The following IGSF10 variants were observed in gnomAD, a reference collection of about 807,000 sequenced individuals.
IGSF10 encodes the protein immunoglobulin superfamily member 10, also known as calvaria mechanical force protein 608.
IGSF10 carries 126 observed loss-of-function variants against 128.2 expected under a neutral mutation model. The observed-to-expected ratio is 0.98, with a 90% CI of 0.85 to 1.14. The LOEUF is 1.14. IGSF10 is among the 50% of genes most tolerant of loss of function. The pLI, the probability that IGSF10 is intolerant of heterozygous loss-of-function variation, is 0.00. For missense variants in IGSF10, 3,295 were observed against 3,149.8 expected (o/e 1.05, Z -1.10); for synonymous variants, 1,185 against 1,146.2 (o/e 1.03, Z -0.68).
At chr3:151,435,021 T>C (rs1253522163), downstream of IGSF10, 1 of 151,966 alleles carries the variant, frequency 6.6e-6, no homozygotes, top group East Asian at 1.9e-4. Flanking sequence ...TACTTTAGTC[T>C]TCAGATTTTC....
In IGSF10 at chr3:151,436,713, T is replaced by G; in HGVS notation, c.7848A>C (p.Ala2616=). ...TAKNPLGSDY[A]ATYIQVI is the part of the protein sequence containing the mutation. ...GTCAGATTACTTGAATATACGTTGC[T>G]GCATAATCACTACCAAGTGGGTTCT... The change falls in exon 8 of 8, where the codon GCA becomes GCC. Residue 2616 remains alanine, a synonymous_variant. Coordinates refer to ENST00000282466, the MANE Select transcript of IGSF10 (RefSeq NM_178822.5). 1 of 1,610,878 alleles carries G rather than the reference T, an allele frequency of 6.2e-7. No homozygotes were observed. Among genetic ancestry groups the G allele is most frequent in the Non-Finnish European group, 8.5e-7 (1 of 1,178,436 alleles).
the IGSF10 span, among the ~76,000 whole-genome samples, chr3:151,506,118 AT>A: frequency 6.6e-6 from 1 of 151,832 alleles, no homozygotes; most frequent in Admixed American, 6.6e-5. Context: ...CGCTCAGCTA[AT>A]TTTTTTTGTA....
chr3:151,517,259 A>G, the IGSF10 span, among the ~76,000 whole-genome samples: 2 of 152,116 alleles, frequency 1.3e-5, no homozygotes, highest in Admixed American at 1.3e-4. Context: ...ACCATGGAGA[A>G]ATATATCCCA....
At chr3:151,464,795 A>T (rs1722223684), upstream of IGSF10, among the ~76,000 whole-genome samples, 1 of 152,204 alleles carries the variant, frequency 6.6e-6, no homozygotes, top group South Asian at 2.1e-4. Flanking sequence ...ACAGACTAGC[A>T]CGGTAAGTGA....
At chr3:151,545,020 T>TATTCTACATTTAAGTG in the IGSF10 span, among the ~76,000 whole-genome samples, 8 of 152,240 alleles carry the variant, frequency 5.3e-5, no homozygotes, top group Admixed American at 3.9e-4. Flanking sequence ...CTATTTTAGT[T>TATTCTACATTTAAGTG]ATTCTACATT....
In IGSF10 at chr3:151,445,868, G is replaced by A. The variant is rs1560176132; in HGVS notation, c.4113C>T (p.Pro1371=). 6.2e-7 allele frequency: 1 copy of A among 1,614,226 alleles called. No homozygotes were observed. The highest frequency in any genetic ancestry group is 8.5e-7 in the Non-Finnish European group (1 of 1,180,040). The change falls in exon 6 of 8, where the codon CCC becomes CCT. Residue 1371 remains proline (P), a synonymous_variant. Transcript: ENST00000282466. ...SPDQSSGFTT[P]TAMTPPVLTT... is the part of the protein sequence containing the mutation. ...TTAGAACAGGAGGTGTCATAGCAGT[G>A]GGTGTAGTGAAGCCAGAACTCTGGT...
the IGSF10 span, among the ~76,000 whole-genome samples, chr3:151,532,512 G>A: frequency 5.3e-5 from 8 of 151,986 alleles, no homozygotes; most frequent in East Asian, 1.9e-4. Context: ...GGGATGCAAG[G>A]CTAGTTCAAC....
the IGSF10 span, among the ~76,000 whole-genome samples, chr3:151,564,514 T>G: frequency 6.6e-6 from 1 of 152,162 alleles, no homozygotes; most frequent in African/African-American, 2.4e-5. Context: ...AGTCTAAATT[T>G]CTGGCTTCTT....
chr3:151,575,851 T>C, the IGSF10 span, among the ~76,000 whole-genome samples: 1 of 152,172 alleles, frequency 6.6e-6, no homozygotes, highest in Non-Finnish European at 1.5e-5. Context: ...TATTCGGCCA[T>C]CTTGGAACAG....
chr3:151,437,551 G>C lies in IGSF10; in HGVS notation c.7010C>G (p.Pro2337Arg). 2 of 1,614,104 alleles carry C rather than the reference G, an allele frequency of 1.2e-6. No individual in the cohort carries two copies. Among genetic ancestry groups the C allele is most frequent in the Non-Finnish European group, 1.7e-6 (2 of 1,180,036 alleles). Reference protein sequence around the residue: ...QLEVLEMLRRPTFRNPFNEKI... With the variant: ...QLEVLEMLRRRTFRNPFNEKI... ...TTCATTAAATGGATTTCTAAATGTCGGTCTTCTCAGCATTTCCAGTACTTC... is the reference window on the plus strand; with the variant it reads ...TTCATTAAATGGATTTCTAAATGTCCGTCTTCTCAGCATTTCCAGTACTTC... Residue 2337 changes from proline (P) to arginine (R), a missense_variant, in exon 8 of 8, where the codon CCG becomes CGG. Transcript: ENST00000282466.
Position 151,445,536 on chromosome 3 carries a change from G to C in IGSF10, c.4445C>G (p.Thr1482Ser). 6.2e-7 allele frequency: 1 copy of C among 1,614,208 alleles called. No individual in the cohort carries two copies. Among genetic ancestry groups the C allele is most frequent in the South Asian group, 1.1e-5 (1 of 91,088 alleles). Residue 1482 changes from threonine to serine, a missense_variant, in exon 6 of 8, where the codon ACT becomes AGT. Physicochemically the swap from Thr to Ser is moderately conservative, Grantham distance 58 (BLOSUM62 1). Coordinates refer to ENST00000282466, the MANE Select transcript of IGSF10 (RefSeq NM_178822.5). ...CACGTTGTCAGTAACTGCTCTCTGAGTAAAGGGAGGGGAGATGGGAACTGG... is the reference window on the plus strand; with the variant it reads ...CACGTTGTCAGTAACTGCTCTCTGACTAAAGGGAGGGGAGATGGGAACTGG... ...LMPVPISPPF[T>S]QRAVTDNVAT...
Position 151,453,448 on chromosome 3 carries a change from A to T in IGSF10, c.651T>A (p.His217Gln). Residue 217 changes from histidine to glutamine, a missense_variant, in exon 5 of 8, where the codon CAT (histidine) becomes CAA (glutamine). Physicochemically the swap from His to Gln is conservative, Grantham distance 24. Transcript: ENST00000282466. ...GGCAATCACAGGTCCATGGGTTTCC[A>T]TGCAGGTAAAGGCTGTCTAGGTCAG... is the stretch of plus-strand genomic sequence containing the variant. Reference protein sequence around the residue: ...YMPDLDSLYLHGNPWTCDCHL... With the variant: ...YMPDLDSLYLQGNPWTCDCHL... The T allele has an allele frequency of 6.2e-7, 1 of 1,613,516 alleles. No homozygotes were observed. The highest frequency in any genetic ancestry group is 8.5e-7 in the Non-Finnish European group (1 of 1,179,870).
At chr3:151,466,904 G>A in the IGSF10 span, among the ~76,000 whole-genome samples, 1 of 151,906 alleles carries the variant, frequency 6.6e-6, no homozygotes, top group Admixed American at 6.6e-5. Context: ...TAGAAAAATG[G>A]GTTAACCCCA....
At chr3:151,544,685 TTC>T in the IGSF10 span, among the ~76,000 whole-genome samples, 7 of 151,550 alleles carry the variant, frequency 4.6e-5, no homozygotes, top group Non-Finnish European at 1.0e-4. Context: ...ATTTAAGATT[TTC>T]TCTCTTTTTT....
the IGSF10 span, among the ~76,000 whole-genome samples, chr3:151,521,764 G>T: frequency 6.6e-6 from 1 of 151,988 alleles, no homozygotes; most frequent in African/African-American, 2.4e-5. Context: ...AAGTTAGAAA[G>T]ATCTCAAATT....
chr3:151,518,384 G>C, the IGSF10 span, among the ~76,000 whole-genome samples: 6 of 152,110 alleles, frequency 3.9e-5, no homozygotes, highest in African/African-American at 1.4e-4. Flanking sequence ...TGGCTCAGGA[G>C]ACTGCTCGAT....
At chr3:151,609,629 T>C in the IGSF10 span, among the ~76,000 whole-genome samples, 11 of 152,144 alleles carry the variant, frequency 7.2e-5, no homozygotes, top group South Asian at 2.3e-3. Flanking sequence ...GAAAATGTGG[T>C]ACATATACAC....
Position 151,453,502 on chromosome 3 carries a change from G to A in IGSF10, c.597C>T (p.Ser199=), listed in dbSNP as rs777166961. ...TATAGGAGACCATCTCTTGAGGGAG[G>A]GAGGTCAGGAAGTTATCAGACAAGT... ...FLYLSDNFLT[S]LPQEMVSYMP... Residue 199 remains serine, a synonymous_variant, in exon 5 of 8, where the codon TCC becomes TCT. Transcript: ENST00000282466. 10 of 1,614,066 alleles carry A rather than the reference G, an allele frequency of 6.2e-6. No homozygotes were observed. The South Asian group carries it at 9.9e-5, about 16-fold the overall frequency.
At chr3:151,456,140 A>G (rs1187747655) in intron 4 of IGSF10, among the ~76,000 whole-genome samples, 1 of 152,228 alleles carries the variant, frequency 6.6e-6, no homozygotes, top group Non-Finnish European at 1.5e-5. Context: ...TATTCCTCCG[A>G]AGACATACAT....
Sources: allele counts gnomAD v4.1 joint callset (sites outside exome capture counted in the v4.1 genomes callset), GRCh38; gene constraint gnomAD v4.1.1; transcripts MANE v1.5; gene names NCBI Gene and HGNC (gene_info 2026-07-23, HGNC 2026-07-21).